The following KHDC4 variants were observed in gnomAD, a reference collection of about 807,000 sequenced individuals.
KHDC4 encodes KH domain containing 4, pre-mRNA splicing factor.
KHDC4 carries 19 observed loss-of-function variants against 74.5 expected under a neutral mutation model. That is an observed-to-expected ratio of 0.26 (90% CI 0.18 to 0.37). The LOEUF is 0.37. Ranked by LOEUF, KHDC4 falls within the 10% of genes least tolerant of loss-of-function variation. The probability of loss-of-function intolerance (pLI) is 1.00; values close to 1 mark genes in which losing one functional copy is unlikely to be tolerated. For missense variants in KHDC4, 632 were observed against 754.1 expected (o/e 0.84, Z 1.90); for synonymous variants, 253 against 266.1 (o/e 0.95, Z 0.48).
intron 8 of KHDC4, 80 bp from the exon 9 acceptor site, chr1:155,921,998 A>C (rs1472221943): frequency 1.2e-6 from 1 of 827,818 alleles, no homozygotes; most frequent in Non-Finnish European, 2.0e-6. Context: ...TAATTCTAGG[A>C]CCAAAGCCAT....
rs1373421793 is a variant in KHDC4 at position 155,914,020 on chromosome 1, C to T, written c.*101G>A. On this transcript the variant is annotated 3_prime_UTR_variant, in exon 14 of 14. Coordinates refer to ENST00000368321, the MANE Select transcript of KHDC4 (RefSeq NM_014949.4). Reference sequence around the variant, plus strand: ...CTGAATCTCTAACTTCTGCAAAGGTCCAGATGGTTCCCAGCACAGGCCCCA... The same window carrying T: ...CTGAATCTCTAACTTCTGCAAAGGTTCAGATGGTTCCCAGCACAGGCCCCA... 1 of 1,017,056 alleles carries T rather than the reference C, an allele frequency of 9.8e-7. No individual in the cohort carries two copies. Among genetic ancestry groups the T allele is most frequent in the African/African-American group, 1.6e-5 (1 of 63,046 alleles). 63.0% of individuals were successfully genotyped at this position (1,017,056 alleles called of 1,614,324 possible).
At chr1:155,933,493 T>G in intron 2 of KHDC4, 140 bp downstream of exon 2, 2 of 565,694 alleles carry the variant, frequency 3.5e-6, no homozygotes, top group Admixed American at 3.2e-5. Context: ...ACCATGTTGG[T>G]CAGGCTGGTC....
At chr1:155,917,362 AT>A in intron 11 of KHDC4, 136 bp downstream of exon 11, 1 of 771,634 alleles carries the variant, frequency 1.3e-6, no homozygotes, top group Non-Finnish European at 2.2e-6. Flanking sequence ...GTTGAATAGG[AT>A]AAAAAACCTA....
Position 155,913,474 on chromosome 1 carries a change from CTA to C in KHDC4, c.*645_*646del, listed in dbSNP as rs1238441374. The C allele has an allele frequency of 2.0e-5, 3 of 152,422 alleles. No homozygotes were observed. The East Asian group carries it at 5.6e-4, about 29-fold the overall frequency. The allele number at this position is 152,422 out of a possible 1,614,324, so 9.4% of individuals were successfully genotyped here. A position where few individuals can be genotyped will look rare whatever the true frequency, so the allele number is the denominator to read the frequency against. ...AGAAGGGCAATAAAAACAGTAATGG[CTA>C]TGAGACCAATGTGCCTGAAGGTGCC... On this transcript the variant is annotated 3_prime_UTR_variant, in exon 14 of 14. Coordinates refer to ENST00000368321, the MANE Select transcript of KHDC4 (RefSeq NM_014949.4).
At chr1:155,919,742 C>T (rs1445094202) in intron 10 of KHDC4, among the ~76,000 whole-genome samples, 3 of 151,868 alleles carry the variant, frequency 2.0e-5, no homozygotes, top group Non-Finnish European at 4.4e-5. Context: ...ACCTGGGAGG[C>T]GGAGCTTGCA....
chr1:155,927,026 A>G lies in KHDC4; in HGVS notation c.517+78T>C. 4.2e-6 allele frequency: 6 copies of G among 1,430,598 alleles called. No individual in the cohort carries two copies. In the South Asian group the frequency reaches 5.8e-5, roughly 14 times the overall value. The allele number at this position is 1,430,598 out of a possible 1,614,324, so 88.6% of individuals were successfully genotyped here. On this transcript the variant is annotated intron_variant, in intron 5 of 13. Transcript: ENST00000368321. The stretch of plus-strand genomic sequence containing the variant: ...AAGGGTTAGAACAGCCATCAGGGAC[A>G]CTTTGCCAACTTGCTATACAGAGCC...
rs1673854151 is a variant in KHDC4, at chr1:155,921,134, C to T, written c.1266+241G>A. The T allele has an allele frequency of 5.8e-6, 3 of 515,586 alleles. No homozygotes were observed. In the Admixed American group the frequency reaches 9.8e-5, roughly 17 times the overall value. The allele number at this position is 515,586 out of a possible 1,614,324, so 31.9% of individuals were successfully genotyped here. A position where few individuals can be genotyped will look rare whatever the true frequency, so the allele number is the denominator to read the frequency against. On this transcript the variant is annotated intron_variant, in intron 10 of 13. Coordinates refer to ENST00000368321, the MANE Select transcript of KHDC4 (RefSeq NM_014949.4). ...TGACCCTTTATAGCAAGTGTGCCCA[C>T]CATCCCCACTTTAAACAGCTATTTG...
chr1:155,923,016 T>C (rs916278399), intron 8 of KHDC4, among the ~76,000 whole-genome samples: 13 of 151,896 alleles, frequency 8.6e-5, no homozygotes, highest in African/African-American at 3.1e-4. Context: ...CCATCCCGGC[T>C]AAAACGGTGA....
At position 155,916,661 on chromosome 1, in the gene KHDC4, G is replaced by A; in HGVS notation, c.1517C>T (p.Pro506Leu). ...QNEIEGAGSKPASSSGKERER... is the reference protein window; with the variant it reads ...QNEIEGAGSKLASSSGKERER... ...TCTCTCTTTGCCTGAGGAACTTGCT[G>A]GCTTCGATCCTGCACCTTCAATCTC... The change falls in exon 12 of 14, where the codon CCA (proline) becomes CTA (leucine). Residue 506 changes from proline (P) to leucine (L), a missense_variant. Around this residue, in one of 4 missense-constraint regions of KHDC4, gnomAD observed 254 missense variants for 267.4 expected, o/e 0.95. Coordinates refer to ENST00000368321, the MANE Select transcript of KHDC4 (RefSeq NM_014949.4). 6.2e-7 allele frequency: 1 copy of A among 1,613,698 alleles called. No individual in the cohort carries two copies. The highest frequency in any genetic ancestry group is 1.3e-5 in the African/African-American group (1 of 75,020).
At chr1:155,927,584 G>A (rs1278826072) in intron 4 of KHDC4, among the ~76,000 whole-genome samples, 1 of 151,182 alleles carries the variant, frequency 6.6e-6, no homozygotes. Flanking sequence ...GTGGGTGGAT[G>A]ACATGAGGCC....
rs2102605608 is a variant in KHDC4 at position 155,926,990 on chromosome 1, AGTTCATGAACAAGG to A, written c.517+100_517+113del. On this transcript the variant is annotated intron_variant, in intron 5 of 13. Transcript: ENST00000368321. ...TAAACTCCCATACAAATTCGTGTAT[AGTTCATGAACAAGG>A]GTTAGAACAGCCATCAGGGACACTT... 3 of 1,310,432 alleles carry A rather than the reference AGTTCATGAACAAGG, an allele frequency of 2.3e-6. No individual in the cohort carries two copies. In the South Asian group the frequency reaches 3.6e-5, roughly 16 times the overall value. 81.2% of individuals were successfully genotyped at this position (1,310,432 alleles called of 1,614,324 possible). A position where few individuals can be genotyped will look rare whatever the true frequency, so the allele number is the denominator to read the frequency against.
intron 6 of KHDC4, 125 bp from the exon 7 acceptor site, chr1:155,925,968 T>C (rs1372298455): frequency 1.2e-6 from 1 of 858,576 alleles, no homozygotes; most frequent in Non-Finnish European, 2.0e-6. Flanking sequence ...GAGTGTTGGG[T>C]AGTACAGTCA....
rs534608022 is a variant in KHDC4, at chr1:155,924,574, C to G, written c.894-887G>C. On this transcript the variant is annotated intron_variant, in intron 7 of 13. Transcript: ENST00000368321. ...TCCGTCTCCTAATTCAATAATTTCT[C>G]TTTTTTTTTTTTTTTTTGAGATGGA... 3.0e-4 allele frequency among the ~76,000 whole-genome samples: 40 copies of G among 132,290 alleles called. No individual in the cohort carries two copies. The Admixed American group carries it at 3.0e-3, about 10-fold the overall frequency. The allele number at this position is 132,290 out of a possible 152,430, so 86.8% of individuals were successfully genotyped here. A position where few individuals can be genotyped will look rare whatever the true frequency, so the allele number is the denominator to read the frequency against.
Position 155,913,989 on chromosome 1 carries a change from G to C in KHDC4, c.*132C>G. On this transcript the variant is annotated 3_prime_UTR_variant, in exon 14 of 14. Transcript: ENST00000368321. Reference sequence around the variant, plus strand: ...TGTTAAGGAACCCCTTTAAGAAAGGGGGGCACTGAATCTCTAACTTCTGCA... The same window carrying C: ...TGTTAAGGAACCCCTTTAAGAAAGGCGGGCACTGAATCTCTAACTTCTGCA... The C allele has an allele frequency of 1.4e-6, 1 of 698,832 alleles. No homozygotes were observed. The highest frequency in any genetic ancestry group is 2.5e-6 in the Non-Finnish European group (1 of 407,922). 43.3% of individuals were successfully genotyped at this position (698,832 alleles called of 1,614,324 possible).
chr1:155,922,770 G>A (rs371311691), intron 8 of KHDC4, among the ~76,000 whole-genome samples: 265 of 152,098 alleles, frequency 1.7e-3, no homozygotes, highest in Middle Eastern at 3.4e-3. Flanking sequence ...AAAATTATCC[G>A]GTACAAGGGT....
Position 155,921,424 on chromosome 1 carries a change from G to A in KHDC4, c.1217C>T (p.Pro406Leu). 1.2e-6 allele frequency: 2 copies of A among 1,614,116 alleles called. No individual in the cohort carries two copies. Among genetic ancestry groups the A allele is most frequent in the Non-Finnish European group, 8.5e-7 (1 of 1,179,998 alleles). The change falls in exon 10 of 14, where the codon CCA becomes CTA. Residue 406 changes from proline to leucine, a missense_variant. Coordinates refer to ENST00000368321, the MANE Select transcript of KHDC4 (RefSeq NM_014949.4). ...CACTTGTGTTATCGGGTATTGTGTT[G>A]GCACAGGTGGGACTCCAGTAGGTAA... The part of the protein sequence containing the change: ...PALPTGVPPV[P>L]TQYPITQVQP...
intron 4 of KHDC4, among the ~76,000 whole-genome samples, chr1:155,927,857 CACACACACACACACACAA>C (rs1393632703): frequency 0.023 from 1,101 of 46,942 alleles, 37 homozygotes; most frequent in African/African-American, 0.046. Flanking sequence ...CACACACACA[CACACACACACACACACAA>C]AATTAATGGG....
rs1673679796 is a variant in KHDC4 at position 155,914,030 on chromosome 1, C to G, written c.*91G>C. The G allele has an allele frequency of 8.7e-7, 1 of 1,147,258 alleles. No homozygotes were observed. The allele number at this position is 1,147,258 out of a possible 1,614,324, so 71.1% of individuals were successfully genotyped here. Reference sequence around the variant, plus strand: ...AACTTCTGCAAAGGTCCAGATGGTTCCCAGCACAGGCCCCAGAGTCTTGTT... The same window carrying G: ...AACTTCTGCAAAGGTCCAGATGGTTGCCAGCACAGGCCCCAGAGTCTTGTT... On this transcript the variant is annotated 3_prime_UTR_variant, in exon 14 of 14. Coordinates refer to ENST00000368321, the MANE Select transcript of KHDC4 (RefSeq NM_014949.4).
rs1674208088 is a variant in KHDC4 at position 155,934,358 on chromosome 1, C to T, written c.16G>A (p.Ala6Thr). 1 of 1,611,306 alleles carries T rather than the reference C, an allele frequency of 6.2e-7. No homozygotes were observed. The stretch of plus-strand genomic sequence containing the variant: ...TACCCGCCAGCTCCAGGATGTGTCG[C>T]GCTCCCCGCGGACATGGCGACCGCT... MSAGS[A>T]THPGAGGRRS... The change falls in exon 1 of 14, where the codon GCG becomes ACG. Residue 6 changes from alanine (A) to threonine (T), a missense_variant. Coordinates refer to ENST00000368321, the MANE Select transcript of KHDC4 (RefSeq NM_014949.4).
Sources: gnomAD v4.1 joint callset for allele counts (sites outside exome capture counted in the v4.1 genomes callset) on GRCh38, gnomAD v4.1.1 for gene constraint, gnomAD v4.1.1 regional missense constraint, MANE v1.5 for transcripts, NCBI Gene and HGNC (gene_info 2026-07-23, HGNC 2026-07-21) for gene names.